Variants in DPYSL5 observed in about 807,000 individuals in gnomAD.
DPYSL5 encodes the protein dihydropyrimidinase like 5.
In DPYSL5, 9 loss-of-function variants were observed where a neutral mutation model predicts 58.4. The observed-to-expected ratio is 0.15, with a 90% confidence interval of 0.09 to 0.27. The LOEUF (loss-of-function observed/expected upper bound fraction) is 0.27, where lower values mean the gene tolerates loss of function less well. Ranked by LOEUF, DPYSL5 falls within the 10% of genes least tolerant of loss-of-function variation. The pLI is 1.00. For missense variants in DPYSL5, 499 were observed against 770.6 expected, an observed-to-expected ratio of 0.65 and a Z score of 4.17; for synonymous variants, 293 against 301.9, an observed-to-expected ratio of 0.97 and a Z score of 0.31.
Position 26,925,321 on chromosome 2 carries a change from C to T in DPYSL5, c.420+276C>T, listed in dbSNP as rs1463898055. 6.6e-6 allele frequency among the ~76,000 whole-genome samples: 1 copy of T among 152,140 alleles called. No individual in the cohort carries two copies. Among genetic ancestry groups the T allele is most frequent in the African/African-American group, 2.4e-5 (1 of 41,432 alleles). ...GTTTCATTGCTCTGACCATGAGGCT[C>T]TTACCGTCTCGTGTGAATGTAGGGC... On this transcript the variant is annotated intron_variant, in intron 3 of 12. Transcript: ENST00000288699. The surrounding 1 kb of genome is among the most constrained non-coding windows in gnomAD (Gnocchi z 4.5).
chr2:26,941,830 T>C, intron 9 of DPYSL5, 120 bp from the exon 10 acceptor site: 1 of 1,372,352 alleles, frequency 7.3e-7, no homozygotes, highest in South Asian at 1.4e-5. Context: ...GCCTTGTCCC[T>C]TTGTGACCAC....
intron 8 of DPYSL5, among the ~76,000 whole-genome samples, chr2:26,938,112 G>A (rs1665228854): frequency 6.6e-6 from 1 of 152,192 alleles, no homozygotes; most frequent in Admixed American, 6.5e-5. Context: ...TGGTTTGGAT[G>A]GGGGCTTCCT....
intron 1 of DPYSL5, among the ~76,000 whole-genome samples, chr2:26,892,756 T>TGA (rs144430871): frequency 0.025 from 3,523 of 138,790 alleles, 66 homozygotes; most frequent in African/African-American, 0.039. Flanking sequence ...TGGGTTTGTT[T>TGA]GAGAGAGAGA....
intron 1 of DPYSL5, among the ~76,000 whole-genome samples, chr2:26,896,420 C>T (rs544557168): frequency 6.6e-6 from 1 of 152,288 alleles, no homozygotes; most frequent in East Asian, 1.9e-4. Context: ...GATTGCTGGA[C>T]CATATAGTAG....
In DPYSL5 at chr2:26,934,780, GAAGAC is replaced by G. The variant is rs754005788; in HGVS notation, c.947+47_947+51del. The G allele has an allele frequency of 6.2e-7, 1 of 1,605,242 alleles. No homozygotes were observed. The highest frequency in any genetic ancestry group is 2.2e-5 in the East Asian group (1 of 44,794). On this transcript the variant is annotated intron_variant, in intron 8 of 12. Coordinates refer to ENST00000288699, the MANE Select transcript of DPYSL5 (RefSeq NM_020134.4). This position sits in a 1 kb window ranked among gnomAD's most constrained non-coding sequence, Gnocchi z 4.3. ...ATTGCAGGGATGTGTACATCTTTAG[GAAGAC>G]GTCATAGAGGGCCCAGGAAACAAAT...
chr2:26,946,539 TTC>T (rs1665489980), intron 12 of DPYSL5, among the ~76,000 whole-genome samples: 1 of 152,232 alleles, frequency 6.6e-6, no homozygotes, highest in African/African-American at 2.4e-5. Context: ...ACCCTCATTT[TTC>T]TCTCTCGCTT....
intron 1 of DPYSL5, among the ~76,000 whole-genome samples, chr2:26,873,562 A>T (rs1663326633): frequency 6.6e-6 from 1 of 152,222 alleles, no homozygotes; most frequent in African/African-American, 2.4e-5. Context: ...TTAACTGGCC[A>T]AAAACTTCAA....
Position 26,906,793 on chromosome 2 carries a change from C to T in DPYSL5, c.261+8033C>T, listed in dbSNP as rs114654617. ...TATTTATTTTAGAGATAGAATCTGG[C>T]CCTGTCACCCAGGCTGGAGCGTAGT... On this transcript the variant is annotated intron_variant, in intron 2 of 12. Coordinates refer to ENST00000288699, the MANE Select transcript of DPYSL5 (RefSeq NM_020134.4). Among the ~76,000 whole-genome samples the T allele has an allele frequency of 7.6e-3, 1,152 of 152,280 alleles. 6 individuals carry two copies. Among genetic ancestry groups the T allele is most frequent in the African/African-American group, 0.025 (1,047 of 41,538 alleles).
chr2:26,936,411 C>G (rs756375806), intron 8 of DPYSL5, among the ~76,000 whole-genome samples: 4 of 152,134 alleles, frequency 2.6e-5, no homozygotes, highest in Non-Finnish European at 4.4e-5. Context: ...ACAACCTAAA[C>G]AGAGTTGGGG....
Position 26,925,535 on chromosome 2 carries a change from G to T in DPYSL5, c.420+490G>T, listed in dbSNP as rs1185390316. On this transcript the variant is annotated intron_variant, in intron 3 of 12. Coordinates refer to ENST00000288699, the MANE Select transcript of DPYSL5 (RefSeq NM_020134.4). The surrounding 1 kb of genome is among the most constrained non-coding windows in gnomAD (Gnocchi z 4.5). ...GAATGTGGTATGCTTTTTTCCTACT[G>T]GGGGCCCAGCTTCTGCTCTGAGAAG... 6.6e-6 allele frequency among the ~76,000 whole-genome samples: 1 copy of T among 152,168 alleles called. No homozygotes were observed. Among genetic ancestry groups the T allele is most frequent in the Non-Finnish European group, 1.5e-5 (1 of 68,008 alleles).
chr2:26,849,812 G>A lies in DPYSL5; in HGVS notation c.-5+1558G>A, dbSNP rs1309142135. ...GGTTTTATGGGGGCCTGGCCACGCC[G>A]GGAATCCCGTGTGGGAGGCGCTCCC... is the stretch of plus-strand genomic sequence containing the variant. On this transcript the variant is annotated intron_variant, in intron 1 of 12. Transcript: ENST00000288699. This position sits in a 1 kb window ranked among gnomAD's most constrained non-coding sequence, Gnocchi z 6.2. Among the ~76,000 whole-genome samples, 1 of 152,220 alleles carries A rather than the reference G, an allele frequency of 6.6e-6. No homozygotes were observed. The highest frequency in any genetic ancestry group is 2.4e-5 in the African/African-American group (1 of 41,470).
At chr2:26,906,328 C>T (rs1253327075) in intron 2 of DPYSL5, among the ~76,000 whole-genome samples, 8 of 152,054 alleles carry the variant, frequency 5.3e-5, no homozygotes, top group African/African-American at 1.2e-4. Context: ...GGAGTACAGG[C>T]GCCTGCCACC....
intron 2 of DPYSL5, among the ~76,000 whole-genome samples, chr2:26,908,168 T>C (rs1412703410): frequency 3.3e-5 from 5 of 152,262 alleles, no homozygotes; most frequent in South Asian, 2.1e-4. Flanking sequence ...ATAGATCATG[T>C]TGATCAAAGT....
intron 2 of DPYSL5, among the ~76,000 whole-genome samples, chr2:26,909,259 T>C (rs1487353087): frequency 6.6e-6 from 1 of 152,176 alleles, no homozygotes; most frequent in Non-Finnish European, 1.5e-5. Context: ...GGCCAACTAC[T>C]GTAAGAACGT....
chr2:26,899,051 A>G (rs1173260685), intron 2 of DPYSL5, among the ~76,000 whole-genome samples: 1 of 152,240 alleles, frequency 6.6e-6, no homozygotes, highest in Non-Finnish European at 1.5e-5. Context: ...CATGTAATAC[A>G]AACCTAGAGG....
At position 26,934,574 on chromosome 2, in the gene DPYSL5, C is replaced by A. The variant is rs1426068119; in HGVS notation, c.791-4C>A. 1.9e-6 allele frequency: 3 copies of A among 1,611,650 alleles called. No homozygotes were observed. Among genetic ancestry groups the A allele is most frequent in the East Asian group, 4.5e-5 (2 of 44,866 alleles). ...GGTTATGGTTCTGACCTTTCTTCTT[C>A]CAGGGAAGGTTGTGCTGGCGGAGAC... On this transcript the variant is annotated splice_region_variant and splice_polypyrimidine_tract_variant and intron_variant, in intron 7 of 12. Transcript: ENST00000288699. This position sits in a 1 kb window ranked among gnomAD's most constrained non-coding sequence, Gnocchi z 4.3.
chr2:26,940,000 C>A (rs376881505), intron 8 of DPYSL5, 31 bp from the exon 9 acceptor site: 11 of 1,613,574 alleles, frequency 6.8e-6, no homozygotes, highest in South Asian at 1.1e-5. Flanking sequence ...CCTCCCCTCC[C>A]CTTACTGGTC....
intron 9 of DPYSL5, among the ~76,000 whole-genome samples, chr2:26,941,023 G>A (rs1344823390): frequency 6.6e-6 from 1 of 150,688 alleles, no homozygotes; most frequent in African/African-American, 2.4e-5. Flanking sequence ...TGCAACCTCC[G>A]CCTCCCGGGT....
Position 26,927,380 on chromosome 2 carries a change from A to G in DPYSL5, c.548A>G (p.Asp183Gly), listed in dbSNP as rs1664855158. ...TACCAAGTGTTGCACGCTTGCAAGGACATTGGGGCAATCGCCCGCGTCCAT... is the reference window on the plus strand; with the variant it reads ...TACCAAGTGTTGCACGCTTGCAAGGGCATTGGGGCAATCGCCCGCGTCCAT... ...ELYQVLHACK[D>G]IGAIARVHAE... Residue 183 changes from aspartate to glycine, a missense_variant, in exon 4 of 13, where the codon GAC becomes GGC. Asp to Gly is a moderately conservative substitution (Grantham distance 94). Coordinates refer to ENST00000288699, the MANE Select transcript of DPYSL5 (RefSeq NM_020134.4). The surrounding 1 kb of genome is among the most constrained non-coding windows in gnomAD (Gnocchi z 4.3). 1 of 1,614,248 alleles carries G rather than the reference A, an allele frequency of 6.2e-7. No homozygotes were observed. Among genetic ancestry groups the G allele is most frequent in the African/African-American group, 1.3e-5 (1 of 75,072 alleles).
Sources: gnomAD v4.1 joint callset for allele counts (sites outside exome capture counted in the v4.1 genomes callset) on GRCh38, gnomAD v4.1.1 for gene constraint, Gnocchi (gnomAD v3.1) non-coding constraint, MANE v1.5 for transcripts, NCBI Gene and HGNC (gene_info 2026-07-23, HGNC 2026-07-21) for gene names.